Variants in NOSTRIN observed in about 807,000 individuals in gnomAD.
NOSTRIN encodes BM247 homolog.
Under a neutral mutation model 59.0 loss-of-function variants are expected in NOSTRIN, and 63 were observed. The ratio of observed to expected loss-of-function variants is 1.07; its 90% CI spans 0.87 to 1.32. NOSTRIN has a LOEUF of 1.32. Ranked by LOEUF, NOSTRIN falls within the 40% of genes most tolerant of loss-of-function variation. The probability of loss-of-function intolerance (pLI) is 0.00; values close to 1 mark genes in which losing one functional copy is unlikely to be tolerated. For synonymous variants in NOSTRIN, 200 were observed against 165.4 expected, an observed-to-expected ratio of 1.21 and a Z score of -1.61; for missense variants, 512 against 473.1, an observed-to-expected ratio of 1.08 and a Z score of -0.76.
At chr2:168,843,825 C>A (rs1385264318) in intron 8 of NOSTRIN, among the ~76,000 whole-genome samples, 1 of 152,186 alleles carries the variant, frequency 6.6e-6, no homozygotes, top group Non-Finnish European at 1.5e-5. Context: ...CTTACTGCAG[C>A]AGTTCCCTTT....
chr2:168,829,263 TTCCC>T (rs1378238165), intron 5 of NOSTRIN, among the ~76,000 whole-genome samples: 3 of 151,960 alleles, frequency 2.0e-5, no homozygotes, highest in African/African-American at 4.8e-5. Flanking sequence ...CTTTCTTTCC[TTCCC>T]TCCCTCCCTC....
At chr2:168,831,644 C>A (rs1687368755) in intron 6 of NOSTRIN, 110 bp downstream of exon 6, 9 of 672,720 alleles carry the variant, frequency 1.3e-5, no homozygotes. Context: ...TAAGTGCTAA[C>A]TGAAGAGAAA....
At chr2:168,844,387 T>C (rs973038582) in intron 8 of NOSTRIN, among the ~76,000 whole-genome samples, 1 of 94,072 alleles carries the variant, frequency 1.1e-5, no homozygotes. Context: ...CCACCTGTTT[T>C]AAGTTTAAAA....
Position 168,855,369 on chromosome 2 carries a change from T to C in NOSTRIN, c.873T>C (p.Ser291=), listed in dbSNP as rs1258987052. The C allele has an allele frequency of 1.3e-6, 2 of 1,592,584 alleles. No homozygotes were observed. Among genetic ancestry groups the C allele is most frequent in the Non-Finnish European group, 8.6e-7 (1 of 1,164,004 alleles). ...TCCTAAAGGAAGAAGATCCTAACAG[T>C]GCAATGGATAAAGAGAGACGAAAGT... is the stretch of plus-strand genomic sequence containing the variant. ...LTDYFEEDPN[S]AMDKERRKSL... is the part of the protein sequence containing the mutation. Residue 291 remains serine, a synonymous_variant, in exon 11 of 16, where the codon AGT becomes AGC. Coordinates refer to ENST00000317647, the MANE Select transcript of NOSTRIN (RefSeq NM_001039724.4).
At chr2:168,852,283 A>C (rs542631134) in intron 10 of NOSTRIN, among the ~76,000 whole-genome samples, 47 of 152,212 alleles carry the variant, frequency 3.1e-4, no homozygotes, top group Non-Finnish European at 6.0e-4. Context: ...GGACCAGATT[A>C]TCGGAGGCTT....
At chr2:168,863,448 T>C (rs1185347144) in intron 15 of NOSTRIN, 2 of 985,020 alleles carry the variant, frequency 2.0e-6, no homozygotes, top group African/African-American at 1.7e-5. Context: ...AAATAAAAAG[T>C]AGCTCTTGGA....
chr2:168,836,174 G>A (rs1165508283), intron 7 of NOSTRIN, among the ~76,000 whole-genome samples: 1 of 152,194 alleles, frequency 6.6e-6, no homozygotes, highest in Non-Finnish European at 1.5e-5. Flanking sequence ...AACAAGTATT[G>A]AATAATGAGG....
chr2:168,859,867 CTT>C (rs1388300254), intron 13 of NOSTRIN, among the ~76,000 whole-genome samples: 1 of 152,174 alleles, frequency 6.6e-6, no homozygotes, highest in African/African-American at 2.4e-5. Flanking sequence ...CTAAAAAACA[CTT>C]TTGATTTCTT....
At chr2:168,836,470 G>C (rs1031617903) in intron 7 of NOSTRIN, among the ~76,000 whole-genome samples, 1 of 152,138 alleles carries the variant, frequency 6.6e-6, no homozygotes. Context: ...GGCAGCTTTT[G>C]TTAATCCTGA....
intron 15 of NOSTRIN, among the ~76,000 whole-genome samples, chr2:168,863,006 C>CTT (rs1271616312): frequency 1.9e-5 from 2 of 105,866 alleles, no homozygotes; most frequent in Admixed American, 2.0e-4. Context: ...CAGGCAATTA[C>CTT]TTTTCTTCCT....
In NOSTRIN at chr2:168,824,735, G is replaced by A. The variant is rs866107391; in HGVS notation, c.197+18G>A. The A allele has an allele frequency of 5.7e-6, 5 of 870,580 alleles. No individual in the cohort carries two copies. The highest frequency in any genetic ancestry group is 1.0e-5 in the Non-Finnish European group (5 of 500,492). 53.9% of individuals were successfully genotyped at this position (870,580 alleles called of 1,614,324 possible). A position where few individuals can be genotyped will look rare whatever the true frequency, so the allele number is the denominator to read the frequency against. ...AGAAAAAGGTAAGTATTGTGGCAGA[G>A]GTAAGGCAAAATCAACCCTTTTTTT... On this transcript the variant is annotated intron_variant, in intron 3 of 15. Transcript: ENST00000317647.
At chr2:168,864,705 T>G in intron 15 of NOSTRIN, 129 bp from the exon 16 acceptor site, 1 of 1,041,050 alleles carries the variant, frequency 9.6e-7, no homozygotes, top group Non-Finnish European at 1.4e-6. Context: ...TGGCTTCATC[T>G]GAATCAAGTG....
chr2:168,822,418 A>G lies in NOSTRIN; in HGVS notation c.114-2216A>G, dbSNP rs575004507. Among the ~76,000 whole-genome samples the G allele has an allele frequency of 5.3e-5, 8 of 152,376 alleles. No homozygotes were observed. The East Asian group carries it at 1.5e-3, about 29-fold the overall frequency. On this transcript the variant is annotated intron_variant, in intron 2 of 15. Coordinates refer to ENST00000317647, the MANE Select transcript of NOSTRIN (RefSeq NM_001039724.4). ...ATCTCTGAATTTCATTTTATAGAAG[A>G]GGGCTGTCTTTCTTTGCTCAGTCTA... is the stretch of plus-strand genomic sequence containing the variant.
chr2:168,800,088 G>A (rs1685575362), upstream of NOSTRIN, among the ~76,000 whole-genome samples: 1 of 152,168 alleles, frequency 6.6e-6, no homozygotes. Flanking sequence ...GCCATACCCT[G>A]AGAAGAGCCT....
intron 7 of NOSTRIN, among the ~76,000 whole-genome samples, chr2:168,836,991 C>A (rs1421962200): frequency 6.6e-6 from 1 of 152,206 alleles, no homozygotes; most frequent in Non-Finnish European, 1.5e-5. Flanking sequence ...CAGGTGCTAT[C>A]TGGTGAGGCT....
intron 6 of NOSTRIN, among the ~76,000 whole-genome samples, chr2:168,832,308 T>C (rs1687410855): frequency 6.6e-6 from 1 of 152,154 alleles, no homozygotes; most frequent in Admixed American, 6.5e-5. Context: ...AAATAACAGA[T>C]GGGATCCATA....
intron 3 of NOSTRIN, among the ~76,000 whole-genome samples, chr2:168,826,073 T>C (rs1395522548): frequency 6.6e-6 from 1 of 152,238 alleles, no homozygotes; most frequent in Non-Finnish European, 1.5e-5. Flanking sequence ...AAGATCTCTT[T>C]AAAGTAAAAG....
At chr2:168,824,296 A>G (rs986337408) in intron 2 of NOSTRIN, among the ~76,000 whole-genome samples, 2 of 151,758 alleles carry the variant, frequency 1.3e-5, no homozygotes, top group Non-Finnish European at 2.9e-5. Flanking sequence ...TCCAGCCAGC[A>G]TAATCAATTT....
intron 11 of NOSTRIN, chr2:168,855,801 T>G (rs1689065062): frequency 2.3e-6 from 1 of 442,606 alleles, no homozygotes; most frequent in African/African-American, 2.0e-5. Context: ...CAACTGTGCA[T>G]GAGAGTTTTG....
Sources: gnomAD v4.1 joint callset for allele counts (sites outside exome capture counted in the v4.1 genomes callset) on GRCh38, gnomAD v4.1.1 for gene constraint, MANE v1.5 for transcripts, NCBI Gene and HGNC (gene_info 2026-07-23, HGNC 2026-07-21) for gene names.